COL5A2: variants seen among roughly 807,000 people sequenced by gnomAD.
The protein encoded by COL5A2 is collagen alpha-2(V) chain.
A neutral mutation model predicts 208.2 loss-of-function variants in COL5A2; 23 were observed. That is an observed-to-expected ratio of 0.11 (90% CI 0.08 to 0.16). The LOEUF is 0.16. Among genes scored for constraint, COL5A2 ranks in the 10% least tolerant of loss-of-function variants. COL5A2 has a pLI of 1.00. For missense variants in COL5A2, 1,590 were observed against 1,956.4 expected (o/e 0.81, Z 3.53); for synonymous variants, 625 against 628.5 (o/e 0.99, Z 0.08).
At chr2:189,080,508 T>TGATA (rs59359899) in intron 13 of COL5A2, among the ~76,000 whole-genome samples, 21,530 of 152,138 alleles carry the variant, frequency 0.14, 1,500 homozygotes, top group Middle Eastern at 0.19. Context: ...GTTAGATAGA[T>TGATA]GATAGATTCT....
chr2:189,190,387 G>A (rs80277956), intron 1 of COL5A2, among the ~76,000 whole-genome samples: 3,897 of 152,274 alleles, frequency 0.026, 90 homozygotes, highest in East Asian at 0.096. Context: ...ATTTTGGAAT[G>A]AAAGGAATCT....
At chr2:189,240,126 G>C in the COL5A2 span, among the ~76,000 whole-genome samples, 1 of 152,162 alleles carries the variant, frequency 6.6e-6, no homozygotes, top group Non-Finnish European at 1.5e-5. Context: ...CTTAAATTTA[G>C]TATATTTGAA....
At chr2:189,270,155 T>A in the COL5A2 span, among the ~76,000 whole-genome samples, 1 of 152,290 alleles carries the variant, frequency 6.6e-6, no homozygotes, top group East Asian at 1.9e-4. Context: ...TGGCATTCTA[T>A]CTATTTTGTT....
the COL5A2 span, among the ~76,000 whole-genome samples, chr2:189,389,153 T>C: frequency 6.6e-6 from 1 of 152,130 alleles, no homozygotes; most frequent in Admixed American, 6.5e-5. Context: ...AAGATACAAG[T>C]TATGTTTAAC....
intron 1 of COL5A2, among the ~76,000 whole-genome samples, chr2:189,197,407 A>G (rs776890133): frequency 6.6e-6 from 1 of 152,188 alleles, no homozygotes; most frequent in Non-Finnish European, 1.5e-5. Context: ...TTATGTAACA[A>G]ACCTACACAT....
At chr2:189,046,695 C>A (rs10190947) in intron 45 of COL5A2, among the ~76,000 whole-genome samples, 10 of 151,938 alleles carry the variant, frequency 6.6e-5, no homozygotes, top group African/African-American at 2.4e-4. Flanking sequence ...ACTGTATTTT[C>A]TGACAAAAAA....
intron 16 of COL5A2, among the ~76,000 whole-genome samples, chr2:189,077,546 G>A (rs1227532523): frequency 1.3e-5 from 2 of 152,216 alleles, no homozygotes; most frequent in Non-Finnish European, 2.9e-5. Context: ...TCCCTTGGCA[G>A]ACAGTAGAAG....
chr2:189,141,733 G>A (rs1462335826), intron 1 of COL5A2, among the ~76,000 whole-genome samples: 1 of 152,092 alleles, frequency 6.6e-6, no homozygotes, highest in Non-Finnish European at 1.5e-5. Flanking sequence ...AGATTCTTAA[G>A]GTGTATTCTG....
chr2:189,379,415 T>A, the COL5A2 span, among the ~76,000 whole-genome samples: 9 of 152,158 alleles, frequency 5.9e-5, no homozygotes, highest in Non-Finnish European at 1.0e-4. Flanking sequence ...CCATAGGCAT[T>A]TTTTACGGCT....
chr2:189,064,785 T>C (rs939258364), intron 24 of COL5A2, 130 bp from the exon 25 acceptor site: 23 of 845,400 alleles, frequency 2.7e-5, no homozygotes, highest in Non-Finnish European at 4.5e-5. Flanking sequence ...ATATAACGTA[T>C]AAAATTTTGT....
chr2:189,153,522 C>T (rs1280132290), intron 1 of COL5A2, among the ~76,000 whole-genome samples: 3 of 152,014 alleles, frequency 2.0e-5, no homozygotes, highest in Non-Finnish European at 2.9e-5. Flanking sequence ...AAGAGTTTTC[C>T]CAATTAACAT....
At chr2:189,415,557 A>G in the COL5A2 span, among the ~76,000 whole-genome samples, 1 of 152,134 alleles carries the variant, frequency 6.6e-6, no homozygotes, top group Admixed American at 6.5e-5. Flanking sequence ...GTAATTGTCA[A>G]CTTCACCTTT....
At chr2:189,217,692 A>G (rs920677708) in intron 1 of COL5A2, among the ~76,000 whole-genome samples, 50 of 152,172 alleles carry the variant, frequency 3.3e-4, no homozygotes, top group African/African-American at 1.1e-3. Flanking sequence ...AGGGAATTGC[A>G]ATGTCATTAG....
In COL5A2 at chr2:189,054,298, C is replaced by T. The variant is rs528162802; in HGVS notation, c.2392-86G>A. The stretch of plus-strand genomic sequence containing the variant: ...AGCAAATCAACAAACAAAAAAGAAA[C>T]GACTATTTTGTTATAATTTGGCTGC... On this transcript the variant is annotated intron_variant, in intron 35 of 53. Coordinates refer to ENST00000374866, the MANE Select transcript of COL5A2 (RefSeq NM_000393.5). 3.7e-4 allele frequency: 362 copies of T among 991,164 alleles called. 1 individual carries two copies. The African/African-American group carries it at 4.3e-3, about 12-fold the overall frequency. The allele number at this position is 991,164 out of a possible 1,614,324, so 61.4% of individuals were successfully genotyped here.
chr2:189,054,949 T>A (rs1225598830), intron 35 of COL5A2, among the ~76,000 whole-genome samples: 1 of 151,938 alleles, frequency 6.6e-6, no homozygotes, highest in Non-Finnish European at 1.5e-5. Flanking sequence ...AGTGGCACCA[T>A]CTCGGCTCAC....
the COL5A2 span, among the ~76,000 whole-genome samples, chr2:189,360,972 G>GTTTTTTTTTT: frequency 7.1e-6 from 1 of 140,992 alleles, no homozygotes; most frequent in Non-Finnish European, 1.5e-5. Flanking sequence ...TGGCTGTTCT[G>GTTTTTTTTTT]TTTTTTTTTT....
the COL5A2 span, among the ~76,000 whole-genome samples, chr2:189,332,393 T>C: frequency 7.9e-5 from 12 of 152,186 alleles, no homozygotes; most frequent in Admixed American, 6.5e-5. Flanking sequence ...TACTGGGCCA[T>C]AAATCAAGTC....
chr2:189,232,364 C>A, the COL5A2 span, among the ~76,000 whole-genome samples: 1 of 151,532 alleles, frequency 6.6e-6, no homozygotes, highest in Non-Finnish European at 1.5e-5. Flanking sequence ...GTAATAACAT[C>A]TATAATCACA....
intron 2 of COL5A2, among the ~76,000 whole-genome samples, chr2:189,109,931 T>A (rs1559108560): frequency 6.6e-6 from 1 of 152,198 alleles, no homozygotes; most frequent in Admixed American, 6.5e-5. Context: ...GCACTCATCA[T>A]GCATATGGTA....
Sources: gnomAD v4.1 joint callset for allele counts (sites outside exome capture counted in the v4.1 genomes callset) on GRCh38, gnomAD v4.1.1 for gene constraint, MANE v1.5 for transcripts, NCBI Gene and HGNC (gene_info 2026-07-23, HGNC 2026-07-21) for gene names.